Variants in ADGRL2 observed in about 807,000 individuals in gnomAD.
The protein encoded by ADGRL2 is calcium-independent alpha-latrotoxin receptor 2.
A neutral mutation model predicts 157.4 loss-of-function variants in ADGRL2; 44 were observed. The ratio of observed to expected loss-of-function variants is 0.28; its 90% CI spans 0.22 to 0.36. The LOEUF (loss-of-function observed/expected upper bound fraction) is 0.36. Among genes scored for constraint, ADGRL2 ranks in the 10% least tolerant of loss-of-function variants. ADGRL2 has a pLI of 1.00. For synonymous variants in ADGRL2, 585 were observed against 624.7 expected (o/e 0.94, Z 0.95); for missense variants, 1,510 against 1,768.9 (o/e 0.85, Z 2.63).
chr1:81,850,581 C>A (rs920805780), intron 2 of ADGRL2, among the ~76,000 whole-genome samples: 2 of 151,838 alleles, frequency 1.3e-5, no homozygotes, highest in African/African-American at 4.8e-5. Flanking sequence ...TCAATAAATT[C>A]ATTCTTTGAC....
chr1:81,886,538 G>C (rs1302179765), intron 2 of ADGRL2, among the ~76,000 whole-genome samples: 1 of 152,158 alleles, frequency 6.6e-6, no homozygotes, highest in Non-Finnish European at 1.5e-5. Flanking sequence ...TTCTTGGCCA[G>C]AAAACGAAAG....
At chr1:81,338,964 C>T (rs1661854328) in intron 1 of ADGRL2, among the ~76,000 whole-genome samples, 2 of 152,158 alleles carry the variant, frequency 1.3e-5, no homozygotes, top group Admixed American at 1.3e-4. Flanking sequence ...ATTATTATTG[C>T]CTGGAATGCT....
At position 81,969,184 on chromosome 1, in the gene ADGRL2, G is replaced by C; in HGVS notation, c.2530G>C (p.Asp844His). The change falls in exon 15 of 24, where the codon GAT becomes CAT. Residue 844 changes from aspartate to histidine, a missense_variant. Physicochemically the swap from Asp to His is moderately conservative, Grantham distance 81 (BLOSUM62 -1). Around this residue, in one of 4 missense-constraint regions of ADGRL2, gnomAD observed 497 missense variants for 627.2 expected, o/e 0.79. Transcript: ENST00000686636. The stretch of plus-strand genomic sequence containing the variant: ...CATATCTTTTTATTTTCAGTATAAA[G>C]ATGGCGTTCATGAATTACTTCTTAC... ...LMAHREIAYK[D>H]GVHELLLTVI... The C allele has an allele frequency of 1.2e-6, 2 of 1,611,208 alleles. No homozygotes were observed. Among genetic ancestry groups the C allele is most frequent in the South Asian group, 2.2e-5 (2 of 91,012 alleles).
intron 2 of ADGRL2, among the ~76,000 whole-genome samples, chr1:81,838,911 A>T (rs2092416603): frequency 6.6e-6 from 1 of 151,776 alleles, no homozygotes; most frequent in Admixed American, 6.6e-5. Context: ...GGTAAAAAGA[A>T]CCTGGGACGA....
chr1:81,688,729 G>C (rs866052853), intron 3 of ADGRL2, among the ~76,000 whole-genome samples: 1 of 152,024 alleles, frequency 6.6e-6, no homozygotes, highest in Admixed American at 6.6e-5. Flanking sequence ...TTGATTTTTG[G>C]GGGGTGTTGA....
chr1:81,478,006 T>C (rs539343770), intron 2 of ADGRL2, among the ~76,000 whole-genome samples: 117 of 152,218 alleles, frequency 7.7e-4, no homozygotes, highest in African/African-American at 2.7e-3. Flanking sequence ...GAGAGCATTT[T>C]TTGTATATTT....
rs200298409 is a variant in ADGRL2, at chr1:81,746,994, ATATACGTG to A, written c.-142-14811_-142-14804del. Among the ~76,000 whole-genome samples, 995 of 148,028 alleles carry A rather than the reference ATATACGTG, an allele frequency of 6.7e-3. 8 individuals carry two copies. Among genetic ancestry groups the A allele is most frequent in the South Asian group, 0.024 (115 of 4,742 alleles). On this transcript the variant is annotated intron_variant, in intron 1 of 20. Transcript: ENST00000359929. Reference sequence around the variant, plus strand: ...CGTATACACACGTGTGTATATACGTATATACGTGTATACACACGTATGTATACACGTGT... The same window carrying A: ...CGTATACACACGTGTGTATATACGTATATACACACGTATGTATACACGTGT...
intron 21 of ADGRL2, 94 bp from the exon 22 acceptor site, chr1:81,986,807 A>T: frequency 7.7e-7 from 1 of 1,292,858 alleles, no homozygotes; most frequent in South Asian, 1.4e-5. Context: ...CCCTTGATGA[A>T]TATAAAAAAA....
chr1:81,614,318 G>A lies in ADGRL2; in HGVS notation c.-143+33338G>A, dbSNP rs893819148. ...CTCGATGAGACACATGTAAATCAATGGGTTTTCACTCTCTGTTCTTGCTCA... is the reference window on the plus strand; with the variant it reads ...CTCGATGAGACACATGTAAATCAATAGGTTTTCACTCTCTGTTCTTGCTCA... On this transcript the variant is annotated intron_variant, in intron 3 of 24. Transcript: ENST00000370721. Among the ~76,000 whole-genome samples, 5 of 152,090 alleles carry A rather than the reference G, an allele frequency of 3.3e-5. 1 individual carries two copies. The highest frequency in any genetic ancestry group is 3.3e-4 in the Admixed American group (5 of 15,262).
chr1:81,987,128 T>G, intron 22 of ADGRL2, 99 bp downstream of exon 22: 2 of 1,437,016 alleles, frequency 1.4e-6, no homozygotes, highest in Non-Finnish European at 1.9e-6. Context: ...ATATATTTAT[T>G]GTTACATTCT....
intron 11 of ADGRL2, among the ~76,000 whole-genome samples, chr1:81,964,585 A>T (rs904498894): frequency 6.6e-6 from 1 of 152,128 alleles, no homozygotes; most frequent in East Asian, 1.9e-4. Context: ...GAATGTTATT[A>T]TATTTACACC....
At chr1:81,329,325 C>T (rs1557601073) in intron 1 of ADGRL2, among the ~76,000 whole-genome samples, 1 of 152,018 alleles carries the variant, frequency 6.6e-6, no homozygotes, top group Non-Finnish European at 1.5e-5. Flanking sequence ...ATCTTTATGT[C>T]TCATTATCCA....
At chr1:81,577,071 T>C (rs2080812069) in intron 2 of ADGRL2, among the ~76,000 whole-genome samples, 1 of 152,220 alleles carries the variant, frequency 6.6e-6, no homozygotes, top group Non-Finnish European at 1.5e-5. Context: ...TTTCTGATTC[T>C]ATTACTGTCC....
intron 3 of ADGRL2, among the ~76,000 whole-genome samples, chr1:81,915,939 CAAT>C (rs770823831): frequency 6.6e-6 from 1 of 152,098 alleles, no homozygotes; most frequent in Non-Finnish European, 1.5e-5. Flanking sequence ...GATGGGATGA[CAAT>C]GGTATTTCTG....
At position 81,856,960 on chromosome 1, in the gene ADGRL2, A is replaced by G. The variant is rs371060838; in HGVS notation, c.73+19903A>G. ...CTTTTGTTATAGATACATAGAAATA[A>G]CTAGATTTTAATGTCTCTCTCATTT... On this transcript the variant is annotated intron_variant, in intron 2 of 23. Coordinates refer to ENST00000686636, the MANE Select transcript of ADGRL2 (RefSeq NM_001366006.2). Among the ~76,000 whole-genome samples, 23 of 152,318 alleles carry G rather than the reference A, an allele frequency of 1.5e-4. No homozygotes were observed. The East Asian group carries it at 4.2e-3, about 28-fold the overall frequency.
intron 2 of ADGRL2, among the ~76,000 whole-genome samples, chr1:81,865,961 T>C (rs922446196): frequency 6.6e-6 from 1 of 152,174 alleles, no homozygotes; most frequent in Non-Finnish European, 1.5e-5. Flanking sequence ...TCTTATTTTC[T>C]CCATTAAATA....
At chr1:81,651,918 T>A (rs2082429404) in intron 3 of ADGRL2, among the ~76,000 whole-genome samples, 1 of 151,798 alleles carries the variant, frequency 6.6e-6, no homozygotes, top group African/African-American at 2.4e-5. Context: ...GAGACAGGGG[T>A]CTCACTATGT....
chr1:81,797,271 G>T (rs949951303), upstream of ADGRL2, among the ~76,000 whole-genome samples: 7 of 151,898 alleles, frequency 4.6e-5, no homozygotes, highest in African/African-American at 1.7e-4. Flanking sequence ...TGTTTCTTTT[G>T]AAACAATTTT....
intron 2 of ADGRL2, among the ~76,000 whole-genome samples, chr1:81,763,933 G>A (rs2086004648): frequency 6.6e-6 from 1 of 152,096 alleles, no homozygotes; most frequent in Non-Finnish European, 1.5e-5. Flanking sequence ...TTGAACCCAG[G>A]AGGCGGATGT....
Sources: allele counts gnomAD v4.1 joint callset (sites outside exome capture counted in the v4.1 genomes callset), GRCh38; gene constraint gnomAD v4.1.1; regional missense constraint gnomAD v4.1.1; transcripts MANE v1.5; gene names NCBI Gene and HGNC (gene_info 2026-07-23, HGNC 2026-07-21).